FHOD1: variants seen among roughly 807,000 people sequenced by gnomAD.
The protein encoded by FHOD1 is FH1/FH2 domain-containing protein 1.
Under a neutral mutation model 111.6 loss-of-function variants are expected in FHOD1, and 89 were observed. That is an observed-to-expected ratio of 0.80 (90% confidence interval 0.67 to 0.95). The LOEUF is 0.95. Among genes scored for constraint, FHOD1 ranks in the 40% least tolerant of loss-of-function variants. FHOD1 has a pLI of 0.00. For missense variants in FHOD1, 1,446 were observed against 1,554.2 expected, an observed-to-expected ratio of 0.93 and a Z score of 1.17; for synonymous variants, 618 against 639.0, an observed-to-expected ratio of 0.97 and a Z score of 0.50.
chr16:67,233,327 C>G (rs980362133), intron 13 of FHOD1, among the ~76,000 whole-genome samples: 1 of 152,008 alleles, frequency 6.6e-6, no homozygotes, highest in African/African-American at 2.4e-5. Context: ...CTCAAATGAT[C>G]CACCTGCCTC....
chr16:67,240,617 C>T (rs116230419), intron 1 of FHOD1, among the ~76,000 whole-genome samples: 3,457 of 152,344 alleles, frequency 0.023, 118 homozygotes, highest in African/African-American at 0.066. Context: ...CAGGCACATG[C>T]TCCATCCACG....
intron 12 of FHOD1, 38 bp downstream of exon 12, chr16:67,234,319 G>A (rs187388529): frequency 6.2e-7 from 1 of 1,602,230 alleles, no homozygotes; most frequent in East Asian, 2.2e-5. Flanking sequence ...GGGCAACAAA[G>A]CAACAGGCAG....
At chr16:67,236,285 G>T in intron 11 of FHOD1, 1 of 993,828 alleles carries the variant, frequency 1.0e-6, no homozygotes, top group African/African-American at 1.6e-5. Context: ...GAACAAGGGA[G>T]TGACAGATAG....
Position 67,230,414 on chromosome 16 carries a change from G to A in FHOD1, c.2951C>T (p.Ala984Val), listed in dbSNP as rs749039758. 9.3e-6 allele frequency: 15 copies of A among 1,614,114 alleles called. No individual in the cohort carries two copies. Among genetic ancestry groups the A allele is most frequent in the Non-Finnish European group, 1.2e-5 (14 of 1,180,034 alleles). Residue 984 changes from alanine to valine, a missense_variant, in exon 19 of 22, where the codon GCG (alanine) becomes GTG (valine). Transcript: ENST00000258201. ...MQFCHTLREF[A>V]LEYRTCRERV... The stretch of plus-strand genomic sequence containing the variant: ...TTCCCGGCAAGTCCGATACTCAAGC[G>A]CAAATTCCCGCAGCGTGTGGCAGAA...
At chr16:67,240,880 G>A (rs2034644689) in intron 1 of FHOD1, among the ~76,000 whole-genome samples, 1 of 152,264 alleles carries the variant, frequency 6.6e-6, no homozygotes, top group African/African-American at 2.4e-5. Context: ...GAGGCAGGGT[G>A]TCTTCTGGTC....
intron 13 of FHOD1, 119 bp from the exon 14 acceptor site, chr16:67,232,313 C>T (rs1293517708): frequency 1.9e-5 from 17 of 880,954 alleles, no homozygotes; most frequent in Non-Finnish European, 2.6e-5. Context: ...GTCAGGAGAT[C>T]GAGACCATCC....
In FHOD1 at chr16:67,237,511, A is replaced by G. The variant is rs1308992582; in HGVS notation, c.813T>C (p.Pro271=). ...GGGTGACCGTGTACACCAACAACTCAGGGTCAGCGCCATTCTTCTCCTCCA... is the reference window on the plus strand; with the variant it reads ...GGGTGACCGTGTACACCAACAACTCGGGGTCAGCGCCATTCTTCTCCTCCA... ...SILEEKNGAD[P]ELLVYTVTLI... is the part of the protein sequence containing the mutation. The change falls in exon 8 of 22, where the codon CCT becomes CCC. Residue 271 remains proline (P), a synonymous_variant. Transcript: ENST00000258201. The surrounding 1 kb of genome is among the most constrained non-coding windows in gnomAD (Gnocchi z 5.6). 3 of 1,614,032 alleles carry G rather than the reference A, an allele frequency of 1.9e-6. No individual in the cohort carries two copies. The highest frequency in any genetic ancestry group is 1.3e-5 in the African/African-American group (1 of 74,902).
At chr16:67,235,553 A>G (rs910319781) in intron 11 of FHOD1, among the ~76,000 whole-genome samples, 1 of 151,690 alleles carries the variant, frequency 6.6e-6, no homozygotes, top group African/African-American at 2.4e-5. Flanking sequence ...ACAAAAAAAA[A>G]ACGGATGTGG....
chr16:67,242,169 A>G (rs971160505), intron 1 of FHOD1, among the ~76,000 whole-genome samples: 1 of 152,100 alleles, frequency 6.6e-6, no homozygotes, highest in African/African-American at 2.4e-5. Context: ...GGGTTTCAGC[A>G]TGTCATCCAG....
chr16:67,238,804 TA>T lies in FHOD1; in HGVS notation c.373+98del. 1 of 1,186,816 alleles carries T rather than the reference TA, an allele frequency of 8.4e-7. No individual in the cohort carries two copies. Among genetic ancestry groups the T allele is most frequent in the Non-Finnish European group, 1.3e-6 (1 of 792,750 alleles). The allele number at this position is 1,186,816 out of a possible 1,614,324, so 73.5% of individuals were successfully genotyped here. On this transcript the variant is annotated intron_variant, in intron 3 of 21. Transcript: ENST00000258201. The surrounding 1 kb of genome is among the most constrained non-coding windows in gnomAD (Gnocchi z 4.2). ...AGGGAGAGGAAGGAGCACATACAGC[TA>T]AACCTACTTTGCTCACTGTTCAGCA...
At position 67,230,227 on chromosome 16, in the gene FHOD1, G is replaced by T; in HGVS notation, c.3053C>A (p.Thr1018Lys). 1 of 1,613,954 alleles carries T rather than the reference G, an allele frequency of 6.2e-7. No individual in the cohort carries two copies. Among genetic ancestry groups the T allele is most frequent in the Non-Finnish European group, 8.5e-7 (1 of 1,179,866 alleles). ...CCCAGCCACACCTGAGAACTTCTCT[G>T]TCTGGAGAAAGAAGAAGGGTGAGCT... ...NKTRGRMITE[T>K]EKFSGVAGEA... The change falls in exon 20 of 22, where the codon ACA becomes AAA. Residue 1018 changes from threonine to lysine, a missense_variant and splice_region_variant. Thr to Lys is a moderately conservative substitution (Grantham distance 78). Coordinates refer to ENST00000258201, the MANE Select transcript of FHOD1 (RefSeq NM_013241.3).
Position 67,238,928 on chromosome 16 carries a change from G to C in FHOD1, c.348C>G (p.Leu116=), listed in dbSNP as rs987127116. 1 of 1,614,220 alleles carries C rather than the reference G, an allele frequency of 6.2e-7. No homozygotes were observed. The highest frequency in any genetic ancestry group is 8.5e-7 in the Non-Finnish European group (1 of 1,180,038). ...RKPTLILRTQ[L]SVRVNAILEK... ...CCAAGATAGCGTTGACCCTCACAGA[G>C]AGCTGGGTCCGAAGGATCAGCGTGG... The change falls in exon 3 of 22, where the codon CTC becomes CTG. Residue 116 remains leucine (L), a synonymous_variant. Transcript: ENST00000258201. This position sits in a 1 kb window ranked among gnomAD's most constrained non-coding sequence, Gnocchi z 4.2.
At chr16:67,247,053 C>T (rs898671313) in intron 1 of FHOD1, 157 bp downstream of exon 1, 8 of 828,894 alleles carry the variant, frequency 9.7e-6, no homozygotes, top group Non-Finnish European at 1.4e-5. Context: ...GGGGACTCCC[C>T]CGCAGGCGGG....
At chr16:67,232,221 A>G in intron 13 of FHOD1, 27 bp from the exon 14 acceptor site, 3 of 1,612,336 alleles carry the variant, frequency 1.9e-6, no homozygotes, top group Non-Finnish European at 2.5e-6. Flanking sequence ...AGGGCAGTGT[A>G]AGACTGAGGA....
Position 67,247,231 on chromosome 16 carries a change from G to A in FHOD1, c.180C>T (p.Arg60=), listed in dbSNP as rs748417043. The A allele has an allele frequency of 6.3e-7, 1 of 1,598,006 alleles. No homozygotes were observed. Residue 60 remains arginine (R), a synonymous_variant, in exon 1 of 22, where the codon CGC becomes CGT. Coordinates refer to ENST00000258201, the MANE Select transcript of FHOD1 (RefSeq NM_013241.3). ...PLGAQIPAVH[R]LLGAPLKLED... ...TCACCTTGAGCGGCGCTCCCAGCAG[G>A]CGGTGCACCGCGGGTATCTGCGCGC...
In FHOD1 at chr16:67,230,079, A is replaced by G; in HGVS notation, c.3201T>C (p.Asn1067=). The change falls in exon 20 of 22, where the codon AAT becomes AAC. Residue 1067 remains asparagine (N), a synonymous_variant. Transcript: ENST00000258201. The stretch of plus-strand genomic sequence containing the variant: ...TATGGGCCTCACCTCTGCTGCGGCG[A>G]TTGTGTGTGGTGTCCTCAGGCCTGC... ...LTSRPEDTTH[N]RRSRGMVQSS... is the part of the protein sequence containing the mutation. 6.2e-7 allele frequency: 1 copy of G among 1,613,928 alleles called. No homozygotes were observed. Among genetic ancestry groups the G allele is most frequent in the East Asian group, 2.2e-5 (1 of 44,872 alleles).
chr16:67,231,386 T>C lies in FHOD1; in HGVS notation c.2506-37A>G. 1 of 1,613,908 alleles carries C rather than the reference T, an allele frequency of 6.2e-7. No homozygotes were observed. Among genetic ancestry groups the C allele is most frequent in the Non-Finnish European group, 8.5e-7 (1 of 1,179,954 alleles). On this transcript the variant is annotated intron_variant, in intron 16 of 21. Transcript: ENST00000258201. This position sits in a 1 kb window ranked among gnomAD's most constrained non-coding sequence, Gnocchi z 4.3. Reference sequence around the variant, plus strand: ...CTTTCTGAGCCTGGGCCTGGTTGGCTCCAGAACCCTGACTCCCCCTAGTCC... The same window carrying C: ...CTTTCTGAGCCTGGGCCTGGTTGGCCCCAGAACCCTGACTCCCCCTAGTCC...
chr16:67,234,259 G>T lies in FHOD1; in HGVS notation c.1444C>A (p.Gln482Lys). Reference protein sequence around the residue: ...NEAGGHPDARQLWDSPETAPA... With the variant: ...NEAGGHPDARKLWDSPETAPA... ...GCTGTCTCTGGGGAGTCCCAGAGTT[G>T]CCGGGCATCTAAAGAAAGGGAAGGA... The change falls in exon 13 of 22, where the codon CAA becomes AAA. Residue 482 changes from glutamine to lysine, a missense_variant. This residue lies in a region of FHOD1 where 1,085 missense variants were observed against 1,108.8 expected (regional missense o/e 0.98). Transcript: ENST00000258201. 1 of 1,562,750 alleles carries T rather than the reference G, an allele frequency of 6.4e-7. No individual in the cohort carries two copies.
Position 67,230,739 on chromosome 16 carries a change from C to T in FHOD1, c.2720G>A (p.Arg907Gln), listed in dbSNP as rs752798062. 15 of 1,609,742 alleles carry T rather than the reference C, an allele frequency of 9.3e-6. No individual in the cohort carries two copies. The highest frequency in any genetic ancestry group is 6.7e-5 in the African/African-American group (5 of 74,886). The change falls in exon 18 of 22, where the codon CGG (arginine) becomes CAG (glutamine). Residue 907 changes from arginine to glutamine, a missense_variant. Transcript: ENST00000258201. The part of the protein sequence containing the change: ...ENLGQLERRS[R>Q]AAEESLRSLA... ...GCTCCGCAGGCTCTCCTCGGCTGCC[C>T]GGCTCCGGCGCTCCAGCTGCCCCAG... is the stretch of plus-strand genomic sequence containing the variant.
Sources: allele counts gnomAD v4.1 joint callset (sites outside exome capture counted in the v4.1 genomes callset), GRCh38; gene constraint gnomAD v4.1.1; regional missense constraint gnomAD v4.1.1; non-coding constraint Gnocchi (gnomAD v3.1); transcripts MANE v1.5; gene names NCBI Gene and HGNC (gene_info 2026-07-23, HGNC 2026-07-21).